The following CNTN5 variants were observed in gnomAD, a reference collection of about 807,000 sequenced individuals.
The protein encoded by CNTN5 is contactin-5.
CNTN5 carries 77 observed loss-of-function variants against 129.1 expected under a neutral mutation model. The ratio of observed to expected loss-of-function variants is 0.60; its 90% confidence interval spans 0.50 to 0.72. The LOEUF (loss-of-function observed/expected upper bound fraction) is 0.72. Among genes scored for constraint, CNTN5 ranks in the 30% least tolerant of loss-of-function variants. The probability of loss-of-function intolerance (pLI) is 0.00; values close to 1 mark genes in which losing one functional copy is unlikely to be tolerated. For missense variants in CNTN5, 1,478 were observed against 1,328.8 expected (o/e 1.11, Z -1.75); for synonymous variants, 509 against 465.6 (o/e 1.09, Z -1.20).
chr11:99,907,987 C>G (rs893436257), intron 6 of CNTN5, among the ~76,000 whole-genome samples: 1 of 152,032 alleles, frequency 6.6e-6, no homozygotes, highest in Non-Finnish European at 1.5e-5. Flanking sequence ...TATAAAATTA[C>G]ACGTTGAAAA....
intron 13 of CNTN5, among the ~76,000 whole-genome samples, chr11:100,151,806 T>C (rs561233427): frequency 6.6e-6 from 1 of 152,284 alleles, no homozygotes; most frequent in East Asian, 1.9e-4. Context: ...ATACTTAAAG[T>C]ATTTTGAAAT....
At chr11:99,584,604 C>T (rs1949729829) in intron 3 of CNTN5, among the ~76,000 whole-genome samples, 1 of 152,068 alleles carries the variant, frequency 6.6e-6, no homozygotes, top group Non-Finnish European at 1.5e-5. Context: ...TCCCATGAAA[C>T]AACAAAAATA....
intron 16 of CNTN5, among the ~76,000 whole-genome samples, chr11:100,246,342 C>A (rs113150309): frequency 0.01 from 1,532 of 152,176 alleles, 29 homozygotes; most frequent in African/African-American, 0.035. Flanking sequence ...TTTTCTTAAA[C>A]CTTTTGCATG....
At chr11:100,241,017 C>T (rs933308211) in intron 16 of CNTN5, among the ~76,000 whole-genome samples, 2 of 152,044 alleles carry the variant, frequency 1.3e-5, no homozygotes, top group East Asian at 1.9e-4. Context: ...CACAGTAAAC[C>T]CAATATTGGA....
chr11:99,982,665 G>T (rs1049440303), intron 8 of CNTN5, among the ~76,000 whole-genome samples: 1 of 152,048 alleles, frequency 6.6e-6, no homozygotes, highest in African/African-American at 2.4e-5. Context: ...TTTTGAGATG[G>T]AGTCTGGCTC....
At chr11:100,090,448 CCT>C (rs1475791259) in intron 13 of CNTN5, among the ~76,000 whole-genome samples, 4 of 131,920 alleles carry the variant, frequency 3.0e-5, no homozygotes, top group African/African-American at 8.9e-5. Flanking sequence ...TTCCTTCCTT[CCT>C]CTCTTTCTCT....
chr11:99,538,717 A>G (rs1035957226), intron 2 of CNTN5, among the ~76,000 whole-genome samples: 2 of 152,128 alleles, frequency 1.3e-5, no homozygotes, highest in African/African-American at 4.8e-5. Context: ...TGCTCTAGGT[A>G]TCTGCTGCAA....
intron 1 of CNTN5, among the ~76,000 whole-genome samples, chr11:99,125,692 A>G (rs1353563294): frequency 6.6e-6 from 1 of 152,204 alleles, no homozygotes; most frequent in Non-Finnish European, 1.5e-5. Flanking sequence ...ATCAATTTCA[A>G]TTTTGAAATT....
At chr11:99,104,640 A>ATG (rs144711923) in intron 1 of CNTN5, among the ~76,000 whole-genome samples, 3 of 89,634 alleles carry the variant, frequency 3.3e-5, no homozygotes, top group African/African-American at 1.7e-4. Flanking sequence ...ACACACACAC[A>ATG]CGTGTATATA....
intron 8 of CNTN5, among the ~76,000 whole-genome samples, chr11:99,959,413 G>A (rs1950884361): frequency 2.0e-5 from 3 of 152,078 alleles, no homozygotes; most frequent in South Asian, 2.1e-4. Context: ...AATCTTAACT[G>A]CATCTCCATC....
intron 1 of CNTN5, among the ~76,000 whole-genome samples, chr11:99,198,852 G>A (rs1859031637): frequency 6.6e-6 from 1 of 152,082 alleles, no homozygotes; most frequent in South Asian, 2.1e-4. Flanking sequence ...ATCCCAACAT[G>A]ATAGAAACTT....
chr11:99,882,592 G>T (rs11221746), intron 6 of CNTN5, among the ~76,000 whole-genome samples: 15,452 of 151,880 alleles, frequency 0.1, 1,735 homozygotes, highest in East Asian at 0.54. Context: ...TACATAGTAG[G>T]TGTATGTGTT....
intron 13 of CNTN5, among the ~76,000 whole-genome samples, chr11:100,086,795 T>C (rs1320408912): frequency 2.0e-5 from 3 of 151,436 alleles, no homozygotes; most frequent in Non-Finnish European, 1.5e-5. Context: ...AAAAACAGAC[T>C]ATACAAGAAG....
intron 2 of CNTN5, among the ~76,000 whole-genome samples, chr11:99,490,183 G>A (rs1945980342): frequency 1.3e-5 from 2 of 152,034 alleles, no homozygotes. Context: ...ATATTAATTA[G>A]TCTTAATAAT....
intron 15 of CNTN5, among the ~76,000 whole-genome samples, chr11:100,204,040 C>T (rs563732186): frequency 6.6e-6 from 1 of 151,642 alleles, no homozygotes; most frequent in Non-Finnish European, 1.5e-5. Flanking sequence ...TTTCCCAGTG[C>T]TTCCATTATA....
intron 7 of CNTN5, among the ~76,000 whole-genome samples, chr11:99,927,929 A>T (rs1001565138): frequency 1.5e-4 from 23 of 152,198 alleles, no homozygotes; most frequent in Non-Finnish European, 2.8e-4. Flanking sequence ...CCATCCTGGT[A>T]TGAGCCTCTA....
intron 8 of CNTN5, among the ~76,000 whole-genome samples, chr11:99,971,626 A>G (rs1466976337): frequency 1.3e-5 from 2 of 151,802 alleles, no homozygotes; most frequent in Non-Finnish European, 2.9e-5. Flanking sequence ...TCTAAAGACT[A>G]TGTCATTTTG....
At position 100,213,146 on chromosome 11, in the gene CNTN5, C is replaced by G. The variant is rs532774897; in HGVS notation, c.1885-11546C>G. On this transcript the variant is annotated intron_variant, in intron 15 of 24. Transcript: ENST00000524871. ...TTCTCTCTGTATAATAGATCAGCAT[C>G]CTTTATTTTGTATAACTAGTTCCCT... 7.9e-5 allele frequency among the ~76,000 whole-genome samples: 12 copies of G among 152,192 alleles called. No individual in the cohort carries two copies. The South Asian group carries it at 2.5e-3, about 32-fold the overall frequency.
intron 3 of CNTN5, among the ~76,000 whole-genome samples, chr11:99,674,347 T>C (rs894442305): frequency 6.6e-6 from 1 of 152,128 alleles, no homozygotes; most frequent in Non-Finnish European, 1.5e-5. Flanking sequence ...AGATGCTCGA[T>C]TTTAGACCTT....
Sources: gnomAD v4.1 joint callset for allele counts (sites outside exome capture counted in the v4.1 genomes callset) on GRCh38, gnomAD v4.1.1 for gene constraint, MANE v1.5 for transcripts, NCBI Gene and HGNC (gene_info 2026-07-23, HGNC 2026-07-21) for gene names.